Variants in ABHD5 observed in about 807,000 individuals in gnomAD.
ABHD5 encodes the protein abhydrolase domain containing 5, lysophosphatidic acid acyltransferase, also known as 1-acylglycerol-3-phosphate O-acyltransferase ABHD5.
In ABHD5, 30 loss-of-function variants were observed where a neutral mutation model predicts 44.9. The observed-to-expected ratio is 0.67, with a 90% CI of 0.50 to 0.91. The LOEUF is 0.91. Among genes scored for constraint, ABHD5 ranks in the 40% least tolerant of loss-of-function variants. ABHD5 has a pLI of 0.00. For missense variants in ABHD5, 399 were observed against 423.4 expected, an observed-to-expected ratio of 0.94 and a Z score of 0.50; for synonymous variants, 167 against 147.0, an observed-to-expected ratio of 1.14 and a Z score of -0.99.
At chr3:43,714,401 G>T (rs1302217701) in intron 4 of ABHD5, among the ~76,000 whole-genome samples, 2 of 152,134 alleles carry the variant, frequency 1.3e-5, no homozygotes, top group East Asian at 3.9e-4. Flanking sequence ...CCAAAGTGCT[G>T]GGATTACAGG....
At chr3:43,697,388 A>G (rs1207876370) in intron 1 of ABHD5, among the ~76,000 whole-genome samples, 1 of 152,086 alleles carries the variant, frequency 6.6e-6, no homozygotes, top group African/African-American at 2.4e-5. Context: ...TAATTGTGAT[A>G]TGGTTCGAGG....
At chr3:43,718,005 G>A in intron 6 of ABHD5, 148 bp downstream of exon 6, 2 of 996,574 alleles carry the variant, frequency 2.0e-6, no homozygotes, top group Non-Finnish European at 3.0e-6. Context: ...CACCTGTGAT[G>A]GGTGCAGGGT....
chr3:43,726,880 G>C (rs916865135), downstream of ABHD5, among the ~76,000 whole-genome samples: 2 of 152,150 alleles, frequency 1.3e-5, no homozygotes, highest in African/African-American at 4.8e-5. Flanking sequence ...TGTCTGACAC[G>C]GGAGTGTTCA....
At chr3:43,730,650 C>G (rs1013923217) in intron 7 of ABHD5, among the ~76,000 whole-genome samples, 2 of 151,782 alleles carry the variant, frequency 1.3e-5, no homozygotes, top group Non-Finnish European at 2.9e-5. Flanking sequence ...GGACCATAGG[C>G]ACATGTCACC....
At chr3:43,710,233 C>G (rs2084670332) in intron 3 of ABHD5, among the ~76,000 whole-genome samples, 1 of 152,096 alleles carries the variant, frequency 6.6e-6, no homozygotes, top group Admixed American at 6.5e-5. Flanking sequence ...TATCACATAT[C>G]TTCATACATC....
Position 43,690,944 on chromosome 3 carries a change from C to T in ABHD5, c.-49C>T, listed in dbSNP as rs1342792583. 4.5e-6 allele frequency: 7 copies of T among 1,541,486 alleles called. No homozygotes were observed. In the African/African-American group the frequency reaches 5.7e-5, roughly 13 times the overall value. ...CGCCAGCCCGGGGCGGCCCAGTCGGCCTGTCAGCCGGCTTCGAGATAAGTC... is the reference window on the plus strand; with the variant it reads ...CGCCAGCCCGGGGCGGCCCAGTCGGTCTGTCAGCCGGCTTCGAGATAAGTC... On this transcript the variant is annotated 5_prime_UTR_variant, in exon 1 of 7. Transcript: ENST00000644371.
chr3:43,703,356 T>C (rs992545418), intron 3 of ABHD5, among the ~76,000 whole-genome samples: 10 of 152,080 alleles, frequency 6.6e-5, no homozygotes, highest in African/African-American at 2.2e-4. Flanking sequence ...TTTTTGTAGT[T>C]TTAGTAGAGA....
chr3:43,693,435 C>T (rs2084427721), intron 1 of ABHD5, among the ~76,000 whole-genome samples: 1 of 152,150 alleles, frequency 6.6e-6, no homozygotes, highest in South Asian at 2.1e-4. Context: ...AGGTCTTTGC[C>T]TTGGAGATAG....
At chr3:43,729,767 C>T (rs927074809) in intron 7 of ABHD5, among the ~76,000 whole-genome samples, 1 of 152,150 alleles carries the variant, frequency 6.6e-6, no homozygotes, top group Non-Finnish European at 1.5e-5. Flanking sequence ...ATAGAAGGTG[C>T]TCAAATAAAT....
intron 6 of ABHD5, among the ~76,000 whole-genome samples, chr3:43,718,235 T>C (rs567906793): frequency 1.5e-4 from 23 of 152,356 alleles, no homozygotes; most frequent in African/African-American, 5.5e-4. Context: ...TATTAAAATT[T>C]TATTGAGATT....
chr3:43,694,827 A>C (rs1007474066), intron 1 of ABHD5: 1 of 152,222 alleles, frequency 6.6e-6, no homozygotes, highest in African/African-American at 2.4e-5. Context: ...TCATTTATCC[A>C]AAATAAAATG....
chr3:43,731,049 C>T (rs1473415707), intron 7 of ABHD5, among the ~76,000 whole-genome samples: 2 of 151,612 alleles, frequency 1.3e-5, no homozygotes, highest in African/African-American at 2.4e-5. Context: ...ACGGTGGTCT[C>T]GATCTCCTGA....
rs1282035088 is a variant in ABHD5 at position 43,702,493 on chromosome 3, T to C, written c.412T>C (p.Trp138Arg). The part of the protein sequence containing the change: ...ENQFVESIEE[W>R]RCALGLDKMI... ...TCAGTTTGTGGAATCCATTGAAGAG[T>C]GGAGATGTGCCCTAGGATTGGACAA... Residue 138 changes from tryptophan (W) to arginine (R), a missense_variant, in exon 3 of 7, where the codon TGG becomes CGG. Coordinates refer to ENST00000644371, the MANE Select transcript of ABHD5 (RefSeq NM_016006.6). 2.5e-6 allele frequency: 4 copies of C among 1,613,960 alleles called. No homozygotes were observed. The highest frequency in any genetic ancestry group is 1.3e-5 in the African/African-American group (1 of 74,884).
In ABHD5 at chr3:43,697,261, G is replaced by T. The variant is rs569298998; in HGVS notation, c.48-2015G>T. Among the ~76,000 whole-genome samples the T allele has an allele frequency of 3.3e-5, 5 of 152,204 alleles. No homozygotes were observed. The East Asian group carries it at 7.7e-4, about 24-fold the overall frequency. On this transcript the variant is annotated intron_variant, in intron 1 of 6. Transcript: ENST00000644371. ...AAAAAGTATCCTTTTTTAATGCAAA[G>T]AATGCATTTGTGTTTTCTTTGCCCC... is the stretch of plus-strand genomic sequence containing the variant.
chr3:43,691,420 G>T (rs1294408578), intron 1 of ABHD5: 1 of 169,360 alleles, frequency 5.9e-6, no homozygotes, highest in Non-Finnish European at 1.3e-5. Flanking sequence ...AATGCCGCCG[G>T]CGGGCGGTGC....
chr3:43,715,141 T>G, intron 5 of ABHD5, 83 bp downstream of exon 5: 1 of 975,372 alleles, frequency 1.0e-6, no homozygotes. Flanking sequence ...TTTAGACTAT[T>G]TTTTTTAAAA....
At chr3:43,723,750 A>G (rs1468890861), downstream of ABHD5, among the ~76,000 whole-genome samples, 1 of 151,354 alleles carries the variant, frequency 6.6e-6, no homozygotes, top group Non-Finnish European at 1.5e-5. Context: ...TGAAGCTGCA[A>G]AATAAAAGTG....
chr3:43,704,267 G>A (rs2084587613), intron 3 of ABHD5, among the ~76,000 whole-genome samples: 1 of 152,088 alleles, frequency 6.6e-6, no homozygotes, highest in Admixed American at 6.6e-5. Context: ...TCAAACTCTT[G>A]ACCTCAGGAG....
intron 3 of ABHD5, among the ~76,000 whole-genome samples, chr3:43,706,705 C>T (rs746131118): frequency 1.3e-5 from 2 of 152,148 alleles, no homozygotes; most frequent in Non-Finnish European, 2.9e-5. Flanking sequence ...CCTCCTGCCT[C>T]CAAAACTGCC....
Sources: gnomAD v4.1 joint callset for allele counts (sites outside exome capture counted in the v4.1 genomes callset) on GRCh38, gnomAD v4.1.1 for gene constraint, MANE v1.5 for transcripts, NCBI Gene and HGNC (gene_info 2026-07-23, HGNC 2026-07-21) for gene names.